Variants in AP3B1 observed in about 807,000 individuals in gnomAD.
AP3B1 encodes AP-3 complex subunit beta-1.
In AP3B1, 61 loss-of-function variants were observed where a neutral mutation model predicts 132.5. The observed-to-expected ratio is 0.46, with a 90% confidence interval of 0.37 to 0.57. AP3B1 has a LOEUF of 0.57. Among genes scored for constraint, AP3B1 ranks in the 20% least tolerant of loss-of-function variants. The probability of loss-of-function intolerance (pLI) is 0.00; values close to 1 mark genes in which losing one functional copy is unlikely to be tolerated. For missense variants in AP3B1, 1,120 were observed against 1,289.4 expected (o/e 0.87, Z 2.01); for synonymous variants, 388 against 438.3 (o/e 0.89, Z 1.43).
At chr5:78,100,900 T>C in intron 21 of AP3B1, 53 bp downstream of exon 21, 1 of 1,115,894 alleles carries the variant, frequency 9.0e-7, no homozygotes, top group Admixed American at 2.2e-5. Context: ...ACTATAAAAA[T>C]AAAAAATACT....
At chr5:78,116,513 C>G (rs775108312) in intron 17 of AP3B1, among the ~76,000 whole-genome samples, 3 of 148,340 alleles carry the variant, frequency 2.0e-5, no homozygotes, top group Non-Finnish European at 3.0e-5. Context: ...AAGATTTAAA[C>G]AAAAGTAATA....
chr5:78,177,475 C>T (rs1476635153), intron 8 of AP3B1, 39 bp from the exon 9 acceptor site: 4 of 1,393,666 alleles, frequency 2.9e-6, no homozygotes. Context: ...ACTATGAACA[C>T]TAGAGCACTC....
At chr5:78,073,315 T>C (rs1203353601) in intron 22 of AP3B1, among the ~76,000 whole-genome samples, 1 of 152,166 alleles carries the variant, frequency 6.6e-6, no homozygotes, top group Non-Finnish European at 1.5e-5. Context: ...CAGAAAAAAA[T>C]TTGGCACTGT....
At chr5:78,169,193 C>A (rs1254810518) in intron 11 of AP3B1, among the ~76,000 whole-genome samples, 1 of 152,084 alleles carries the variant, frequency 6.6e-6, no homozygotes, top group African/African-American at 2.4e-5. Flanking sequence ...GCACTCTATG[C>A]CATACTTATT....
intron 1 of AP3B1, among the ~76,000 whole-genome samples, chr5:78,270,647 G>T (rs549346551): frequency 1.3e-5 from 2 of 152,174 alleles, no homozygotes; most frequent in African/African-American, 4.8e-5. Context: ...AAAAACGCTG[G>T]AAACAGAGTC....
chr5:78,223,532 A>C (rs1746278004), intron 6 of AP3B1, among the ~76,000 whole-genome samples: 1 of 152,178 alleles, frequency 6.6e-6, no homozygotes, highest in African/African-American at 2.4e-5. Context: ...AATACCTGTG[A>C]TGAACAAGTA....
rs114561657 is a variant in AP3B1 at position 78,274,217 on chromosome 5, A to T, written c.129-6622T>A. The stretch of plus-strand genomic sequence containing the variant: ...ATCCATACAAAACAACCAAATGGAC[A>T]TTCAGAACTGAAAAGTATAGTATAT... On this transcript the variant is annotated intron_variant, in intron 1 of 26. Transcript: ENST00000255194. 4.6e-3 allele frequency among the ~76,000 whole-genome samples: 706 copies of T among 152,116 alleles called. 4 individuals carry two copies. Among genetic ancestry groups the T allele is most frequent in the African/African-American group, 0.016 (669 of 41,498 alleles).
intron 26 of AP3B1, among the ~76,000 whole-genome samples, chr5:78,013,953 G>T (rs1296117470): frequency 6.6e-6 from 1 of 152,148 alleles, no homozygotes; most frequent in Non-Finnish European, 1.5e-5. Context: ...CATGAGGTCA[G>T]GAGATCGAGA....
intron 7 of AP3B1, among the ~76,000 whole-genome samples, chr5:78,203,511 T>C (rs1320072949): frequency 2.0e-5 from 3 of 152,106 alleles, no homozygotes; most frequent in Admixed American, 6.5e-5. Context: ...TTATTACAGT[T>C]CAAGGTGAGA....
intron 1 of AP3B1, among the ~76,000 whole-genome samples, chr5:78,288,450 G>A (rs1749374977): frequency 6.6e-6 from 1 of 152,182 alleles, no homozygotes; most frequent in Non-Finnish European, 1.5e-5. Flanking sequence ...AATCCTGATT[G>A]TAAAGTTCAT....
At position 78,116,186 on chromosome 5, in the gene AP3B1, T is replaced by C. The variant is rs749551329; in HGVS notation, c.2017A>G (p.Lys673Glu). ...AGKAKQENSAKKFYSESEEEE... is the reference protein window; with the variant it reads ...AGKAKQENSAEKFYSESEEEE... ...TCCTCAGATTCAGAATAAAACTTCT[T>C]AGCAGAATTCTCTTGCTTTGCTTTT... Residue 673 changes from lysine to glutamate, a missense_variant, in exon 18 of 27, where the codon AAG (lysine) becomes GAG (glutamate). Around this residue, in one of 3 missense-constraint regions of AP3B1, gnomAD observed 906 missense variants for 997.1 expected, o/e 0.91. Transcript: ENST00000255194. 2.5e-6 allele frequency: 4 copies of C among 1,613,914 alleles called. No individual in the cohort carries two copies. Among genetic ancestry groups the C allele is most frequent in the South Asian group, 1.1e-5 (1 of 91,078 alleles).
chr5:78,233,647 ATCTGC>A (rs772542916), intron 3 of AP3B1, among the ~76,000 whole-genome samples: 9 of 152,170 alleles, frequency 5.9e-5, no homozygotes, highest in Non-Finnish European at 5.9e-5. Flanking sequence ...CTTCACCTCA[ATCTGC>A]TATAACTTTC....
chr5:78,224,063 A>ATTGG (rs1706724119), intron 6 of AP3B1, among the ~76,000 whole-genome samples: 1 of 152,158 alleles, frequency 6.6e-6, no homozygotes, highest in Non-Finnish European at 1.5e-5. Flanking sequence ...ATAGAAAAGC[A>ATTGG]CTAAGTATTT....
chr5:78,080,765 T>A (rs1259656693), intron 22 of AP3B1, among the ~76,000 whole-genome samples: 1 of 151,694 alleles, frequency 6.6e-6, no homozygotes, highest in Non-Finnish European at 1.5e-5. Flanking sequence ...AACCATTCAA[T>A]AATTGTAATA....
At chr5:78,032,282 C>A (rs1262670077) in intron 24 of AP3B1, among the ~76,000 whole-genome samples, 1 of 152,094 alleles carries the variant, frequency 6.6e-6, no homozygotes, top group Non-Finnish European at 1.5e-5. Context: ...GGTCCATGTT[C>A]CCAGCATTTC....
intron 3 of AP3B1, among the ~76,000 whole-genome samples, chr5:78,235,032 G>T (rs1189336110): frequency 6.6e-6 from 1 of 151,926 alleles, no homozygotes; most frequent in African/African-American, 2.4e-5. Flanking sequence ...AGGTGTGGGT[G>T]TATGTTTAAA....
At chr5:78,146,175 G>A (rs1001651847) in intron 14 of AP3B1, among the ~76,000 whole-genome samples, 2 of 152,142 alleles carry the variant, frequency 1.3e-5, no homozygotes, top group African/African-American at 4.8e-5. Context: ...TTTCCACATG[G>A]CCATTGTTCT....
chr5:78,061,515 C>T (rs1749054498), intron 22 of AP3B1, among the ~76,000 whole-genome samples: 2 of 152,162 alleles, frequency 1.3e-5, no homozygotes, highest in Non-Finnish European at 2.9e-5. Flanking sequence ...ATGTTTTCAC[C>T]ATCTATATGA....
intron 1 of AP3B1, among the ~76,000 whole-genome samples, chr5:78,280,085 A>G (rs1561218359): frequency 6.7e-6 from 1 of 149,604 alleles, no homozygotes; most frequent in Non-Finnish European, 1.5e-5. Context: ...AAAAAAAAAA[A>G]AAAGAATATA....
Sources: allele counts gnomAD v4.1 joint callset (sites outside exome capture counted in the v4.1 genomes callset), GRCh38; gene constraint gnomAD v4.1.1; regional missense constraint gnomAD v4.1.1; transcripts MANE v1.5; gene names NCBI Gene and HGNC (gene_info 2026-07-23, HGNC 2026-07-21).